PCDHA9: variants seen among roughly 807,000 people sequenced by gnomAD.
PCDHA9 encodes protocadherin alpha-9.
Under a neutral mutation model 62.0 loss-of-function variants are expected in PCDHA9, and 62 were observed. The ratio of observed to expected loss-of-function variants is 1.00; its 90% confidence interval spans 0.81 to 1.23. The LOEUF is 1.23. PCDHA9 is among the 50% of genes most tolerant of loss of function. The pLI is 0.00. For synonymous variants in PCDHA9, 557 were observed against 567.6 expected, an observed-to-expected ratio of 0.98 and a Z score of 0.27; for missense variants, 1,205 against 1,249.8, an observed-to-expected ratio of 0.96 and a Z score of 0.54.
intron 1 of PCDHA9, chr5:140,856,936 A>C: frequency 6.3e-7 from 1 of 1,594,202 alleles, no homozygotes. Flanking sequence ...GGATAAACGA[A>C]AGGACGGGAG....
At chr5:140,942,530 T>C (rs963252648) in intron 1 of PCDHA9, among the ~76,000 whole-genome samples, 5 of 151,374 alleles carry the variant, frequency 3.3e-5, no homozygotes, top group Non-Finnish European at 5.9e-5. Flanking sequence ...AGCAACTAAC[T>C]CAGTATGGTG....
chr5:140,851,489 T>A, intron 1 of PCDHA9: 1 of 887,850 alleles, frequency 1.1e-6, no homozygotes, highest in Admixed American at 6.3e-5. Context: ...AACACAGCCT[T>A]CATTTCAACT....
At chr5:140,967,958 CG>C in intron 1 of PCDHA9, 1 of 1,614,182 alleles carries the variant, frequency 6.2e-7, no homozygotes, top group Non-Finnish European at 8.5e-7. Flanking sequence ...AGGCCCCAAC[CG>C]GAAAGTGAGC....
chr5:140,925,124 A>AGGAAGGAAGGAAGGAAGGAAGGAAGG, intron 1 of PCDHA9, among the ~76,000 whole-genome samples: 1 of 151,856 alleles, frequency 6.6e-6, no homozygotes, highest in Non-Finnish European at 1.5e-5. Flanking sequence ...GAAGGAAGGA[A>AGGAAGGAAGGAAGGAAGGAAGGAAGG]AAAAAATTTC....
At chr5:140,903,927 G>A (rs1202330297) in intron 1 of PCDHA9, among the ~76,000 whole-genome samples, 1 of 152,158 alleles carries the variant, frequency 6.6e-6, no homozygotes, top group Non-Finnish European at 1.5e-5. Context: ...TGCTGCATTG[G>A]ATAATACCTC....
chr5:140,889,856 G>GT (rs1471217688), intron 1 of PCDHA9, among the ~76,000 whole-genome samples: 17 of 152,122 alleles, frequency 1.1e-4, no homozygotes, highest in African/African-American at 4.1e-4. Context: ...GAGAATATTT[G>GT]TTTTGGGGGA....
At chr5:140,884,158 G>T (rs376345503) in intron 1 of PCDHA9, 6 of 1,613,488 alleles carry the variant, frequency 3.7e-6, no homozygotes, top group Non-Finnish European at 5.1e-6. Context: ...ACACTGGCGA[G>T]ATCAGCACGA....
At chr5:140,909,025 T>C (rs1226589511) in intron 1 of PCDHA9, among the ~76,000 whole-genome samples, 1 of 152,156 alleles carries the variant, frequency 6.6e-6, no homozygotes, top group African/African-American at 2.4e-5. Context: ...TGAATTTTAG[T>C]CATTTATTTT....
At chr5:140,880,521 A>G (rs1166001900) in intron 1 of PCDHA9, among the ~76,000 whole-genome samples, 1 of 152,260 alleles carries the variant, frequency 6.6e-6, no homozygotes, top group Non-Finnish European at 1.5e-5. Context: ...ACATCTCTCA[A>G]TGTGTGAATC....
At chr5:140,872,211 T>C (rs2053549148) in intron 1 of PCDHA9, among the ~76,000 whole-genome samples, 1 of 152,218 alleles carries the variant, frequency 6.6e-6, no homozygotes, top group South Asian at 2.1e-4. Flanking sequence ...ATTCATTATA[T>C]ATGAAACAAT....
intron 1 of PCDHA9, among the ~76,000 whole-genome samples, chr5:140,897,927 C>T (rs2066407931): frequency 6.6e-6 from 1 of 152,196 alleles, no homozygotes. Context: ...ATTTGCGTTT[C>T]TCTGATGGCC....
At chr5:140,898,466 T>C (rs1331469917) in intron 1 of PCDHA9, among the ~76,000 whole-genome samples, 1 of 152,202 alleles carries the variant, frequency 6.6e-6, no homozygotes, top group Admixed American at 6.5e-5. Context: ...CCATTGCTTG[T>C]TTTTCTCAGG....
chr5:140,876,195 G>T lies in PCDHA9; in HGVS notation c.2394+25306G>T, dbSNP rs1554168359. On this transcript the variant is annotated intron_variant, in intron 1 of 3. Transcript: ENST00000532602. The stretch of plus-strand genomic sequence containing the variant: ...TGGATGTGAATGACAATGGTCCGGC[G>T]TTTGATAAGCCCAGCTATAAAGTAG... 4 of 1,613,946 alleles carry T rather than the reference G, an allele frequency of 2.5e-6. No homozygotes were observed. In the South Asian group the frequency reaches 4.4e-5, roughly 18 times the overall value.
chr5:140,918,021 A>G (rs2078482403), intron 1 of PCDHA9, among the ~76,000 whole-genome samples: 2 of 152,190 alleles, frequency 1.3e-5, no homozygotes, highest in South Asian at 2.1e-4. Flanking sequence ...CTTCCTACCC[A>G]TGAGCGTGGA....
At chr5:140,929,679 G>A (rs142104946) in intron 1 of PCDHA9, 4 of 303,052 alleles carry the variant, frequency 1.3e-5, no homozygotes, top group African/African-American at 2.2e-5. Context: ...TGAAAAATAT[G>A]TAAGAGTCTG....
intron 1 of PCDHA9, among the ~76,000 whole-genome samples, chr5:140,941,615 C>T (rs2093129027): frequency 6.6e-6 from 1 of 151,970 alleles, no homozygotes; most frequent in African/African-American, 2.4e-5. Context: ...GTGCCCAGCC[C>T]ATCCTGCTTC....
chr5:140,960,913 T>C (rs184385777), intron 1 of PCDHA9, among the ~76,000 whole-genome samples: 10 of 152,320 alleles, frequency 6.6e-5, no homozygotes, highest in Admixed American at 2.6e-4. Flanking sequence ...GAGTTTCAGA[T>C]AGAAAATTGG....
At chr5:140,992,430 C>T (rs1356224402) in intron 3 of PCDHA9, among the ~76,000 whole-genome samples, 1 of 152,042 alleles carries the variant, frequency 6.6e-6, no homozygotes, top group Non-Finnish European at 1.5e-5. Flanking sequence ...GAATATTGTT[C>T]CAAGAGTTGG....
chr5:140,928,846 C>T, intron 1 of PCDHA9: 1 of 1,614,192 alleles, frequency 6.2e-7, no homozygotes, highest in Non-Finnish European at 8.5e-7. Context: ...CTCTGTCACT[C>T]TGGGTGTGCT....
Sources: gnomAD v4.1 joint callset for allele counts (sites outside exome capture counted in the v4.1 genomes callset) on GRCh38, gnomAD v4.1.1 for gene constraint, MANE v1.5 for transcripts, NCBI Gene and HGNC (gene_info 2026-07-23, HGNC 2026-07-21) for gene names.